Variants in ERF observed in about 807,000 individuals in gnomAD.
ERF encodes ETS domain-containing transcription factor ERF.
ERF carries 10 observed loss-of-function variants against 41.6 expected under a neutral mutation model. That is an observed-to-expected ratio of 0.24 (90% CI 0.15 to 0.41). The LOEUF is 0.41. ERF is among the 10% of genes least tolerant of loss of function. The pLI is 1.00. For missense variants in ERF, 621 were observed against 763.2 expected (o/e 0.81, Z 2.19); for synonymous variants, 395 against 342.4 (o/e 1.15, Z -1.70).
At chr19:42,254,767 C>A (rs1026154744) in intron 1 of ERF, 2 of 497,140 alleles carry the variant, frequency 4.0e-6, no homozygotes, top group Non-Finnish European at 6.9e-6. Context: ...ACCCGCAGCA[C>A]CCACACCACT....
chr19:42,254,086 G>T (rs1232491672), intron 1 of ERF, among the ~76,000 whole-genome samples: 1 of 150,504 alleles, frequency 6.6e-6, no homozygotes, highest in East Asian at 2.0e-4. Flanking sequence ...GTGGGAGGGG[G>T]AGTTAATCCC....
rs1054971116 is a variant in ERF at position 42,248,121 on chromosome 19, G to A, written c.*344C>T. ...ACAAGGCTTTACTTCCTAAGCGATT[G>A]TAATAGAAAAGTTCCTGGGTGTTAA... On this transcript the variant is annotated 3_prime_UTR_variant, in exon 4 of 4. Transcript: ENST00000222329. The surrounding 1 kb of genome is among the most constrained non-coding windows in gnomAD (Gnocchi z 4.2). 2.1e-5 allele frequency: 5 copies of A among 238,794 alleles called. No homozygotes were observed. Among genetic ancestry groups the A allele is most frequent in the Admixed American group, 1.1e-4 (2 of 17,846 alleles). The allele number at this position is 238,794 out of a possible 1,614,324, so 14.8% of individuals were successfully genotyped here.
In ERF at chr19:42,248,438, G is replaced by T; in HGVS notation, c.*27C>A. The T allele has an allele frequency of 6.8e-7, 1 of 1,460,378 alleles. No individual in the cohort carries two copies. The allele number at this position is 1,460,378 out of a possible 1,614,324, so 90.5% of individuals were successfully genotyped here. A position where few individuals can be genotyped will look rare whatever the true frequency, so the allele number is the denominator to read the frequency against. ...AGCAAAAGAAGCATGGGGGGTGCGG[G>T]GCACACAGGTCCCCTGCCCACAGCC... is the stretch of plus-strand genomic sequence containing the variant. On this transcript the variant is annotated 3_prime_UTR_variant, in exon 4 of 4. Coordinates refer to ENST00000222329, the MANE Select transcript of ERF (RefSeq NM_006494.4). This position sits in a 1 kb window ranked among gnomAD's most constrained non-coding sequence, Gnocchi z 4.2.
intron 1 of ERF, among the ~76,000 whole-genome samples, chr19:42,252,583 TA>T (rs2036462014): frequency 6.6e-6 from 1 of 152,148 alleles, no homozygotes; most frequent in Admixed American, 6.5e-5. Flanking sequence ...GCCCCCTTGT[TA>T]AACCCCTTCC....
chr19:42,249,770 G>A lies in ERF; in HGVS notation c.374-32C>T. On this transcript the variant is annotated intron_variant, in intron 3 of 3. Coordinates refer to ENST00000222329, the MANE Select transcript of ERF (RefSeq NM_006494.4). The surrounding 1 kb of genome is among the most constrained non-coding windows in gnomAD (Gnocchi z 8.6). ...GAAGGGAGACAGTGTCAAGGCCCCTGGCCTAGCCTGAAGGGGCATGTAGAC... is the reference window on the plus strand; with the variant it reads ...GAAGGGAGACAGTGTCAAGGCCCCTAGCCTAGCCTGAAGGGGCATGTAGAC... The A allele has an allele frequency of 6.2e-7, 1 of 1,613,586 alleles. No homozygotes were observed. The highest frequency in any genetic ancestry group is 2.2e-5 in the East Asian group (1 of 44,868).
chr19:42,253,679 G>A (rs2036483097), intron 1 of ERF, among the ~76,000 whole-genome samples: 1 of 151,546 alleles, frequency 6.6e-6, no homozygotes, highest in Non-Finnish European at 1.5e-5. Context: ...CCACCCCCAG[G>A]GCCCCTCCTC....
At chr19:42,253,085 C>CA (rs2146956357) in intron 1 of ERF, among the ~76,000 whole-genome samples, 1 of 152,292 alleles carries the variant, frequency 6.6e-6, no homozygotes, top group African/African-American at 2.4e-5. Flanking sequence ...TTCTCCCAGA[C>CA]AGACTATGCA....
Position 42,249,220 on chromosome 19 carries a change from C to A in ERF, c.892G>T (p.Gly298Trp), listed in dbSNP as rs756863883. 1 of 1,613,314 alleles carries A rather than the reference C, an allele frequency of 6.2e-7. No homozygotes were observed. The highest frequency in any genetic ancestry group is 8.5e-7 in the Non-Finnish European group (1 of 1,179,760). Residue 298 changes from glycine to tryptophan, a missense_variant, in exon 4 of 4, where the codon GGG (glycine) becomes TGG (tryptophan). Transcript: ENST00000222329. The surrounding 1 kb of genome is among the most constrained non-coding windows in gnomAD (Gnocchi z 8.6). ...PSGGGGPSGS[G>W]GGSHFSFSPE... Reference sequence around the variant, plus strand: ...CTGAAGGAGAAGTGGGAGCCTCCCCCTGAGCCGCTGGGCCCCCCGCCACCA... The same window carrying A: ...CTGAAGGAGAAGTGGGAGCCTCCCCATGAGCCGCTGGGCCCCCCGCCACCA...
In ERF at chr19:42,254,977, C is replaced by A; in HGVS notation, c.22+1G>T. 2 of 1,487,140 alleles carry A rather than the reference C, an allele frequency of 1.3e-6. No individual in the cohort carries two copies. The highest frequency in any genetic ancestry group is 8.9e-7 in the Non-Finnish European group (1 of 1,127,114). The allele number at this position is 1,487,140 out of a possible 1,614,324, so 92.1% of individuals were successfully genotyped here. A position where few individuals can be genotyped will look rare whatever the true frequency, so the allele number is the denominator to read the frequency against. ...CCCACACGTGCTGCCCCCGCCCCCA[C>A]CTGTGTCCGCCGGGGTCTTCATGCT... is the stretch of plus-strand genomic sequence containing the variant. On this transcript the variant is annotated splice_donor_variant, in intron 1 of 3. Coordinates refer to ENST00000222329, the MANE Select transcript of ERF (RefSeq NM_006494.4). LOFTEE classifies it high-confidence loss of function.
At chr19:42,254,052 G>A (rs1453756226) in intron 1 of ERF, among the ~76,000 whole-genome samples, 1 of 151,328 alleles carries the variant, frequency 6.6e-6, no homozygotes, top group Non-Finnish European at 1.5e-5. Flanking sequence ...GGGGCGGCGG[G>A]GGAGGGGAGG....
chr19:42,250,581 AG>A lies in ERF; in HGVS notation c.23-17del. ...AAGGCAAACCCTGGGGACGGGAGGC[AG>A]GGAGTGGCCTGGGGTCAGGCTGCCA... On this transcript the variant is annotated splice_polypyrimidine_tract_variant and intron_variant, in intron 1 of 3. Coordinates refer to ENST00000222329, the MANE Select transcript of ERF (RefSeq NM_006494.4). This position sits in a 1 kb window ranked among gnomAD's most constrained non-coding sequence, Gnocchi z 5.1. 6.2e-7 allele frequency: 1 copy of A among 1,611,056 alleles called. No individual in the cohort carries two copies. The highest frequency in any genetic ancestry group is 8.5e-7 in the Non-Finnish European group (1 of 1,178,956).
chr19:42,249,589 C>A lies in ERF; in HGVS notation c.523G>T (p.Ala175Ser). 2 of 1,613,612 alleles carry A rather than the reference C, an allele frequency of 1.2e-6. No individual in the cohort carries two copies. Among genetic ancestry groups the A allele is most frequent in the South Asian group, 2.2e-5 (2 of 91,074 alleles). ...CGGCCCAGGCGGCGGGCCACCACAG[C>A]CGAGAAGAGGGAAGATGAAGATGAA... The part of the protein sequence containing the change: ...CSSSSSSLFS[A>S]VVARRLGRGS... Residue 175 changes from alanine to serine, a missense_variant, in exon 4 of 4, where the codon GCT becomes TCT. Around this residue, in one of 3 missense-constraint regions of ERF, gnomAD observed 569 missense variants for 625.5 expected, o/e 0.91. Transcript: ENST00000222329. The surrounding 1 kb of genome is among the most constrained non-coding windows in gnomAD (Gnocchi z 8.6).
chr19:42,253,757 C>G (rs1227127727), intron 1 of ERF: 1 of 636,802 alleles, frequency 1.6e-6, no homozygotes. Context: ...CCGCCCCCAC[C>G]CGCCGAGCAG....
rs1251842089 is a variant in ERF, at chr19:42,247,644, A to T, written c.*821T>A. The T allele has an allele frequency of 6.6e-6, 1 of 151,354 alleles. No homozygotes were observed. The highest frequency in any genetic ancestry group is 1.5e-5 in the Non-Finnish European group (1 of 67,748). The allele number at this position is 151,354 out of a possible 1,614,324, so 9.4% of individuals were successfully genotyped here. On this transcript the variant is annotated 3_prime_UTR_variant, in exon 4 of 4. Transcript: ENST00000222329. Reference sequence around the variant, plus strand: ...CTACTCCCCCCACCCTCAGTCCCCAATACAGAATAAGGCTTGACCACAGCC... The same window carrying T: ...CTACTCCCCCCACCCTCAGTCCCCATTACAGAATAAGGCTTGACCACAGCC...
chr19:42,249,103 GC>G lies in ERF; in HGVS notation c.1008del (p.Leu337TrpfsTer60). The stretch of plus-strand genomic sequence containing the variant: ...GGGCGCTGGGGCTGGGGCACCACCA[GC>G]CCAGGGTAGTGCAGGAAGGCGCGGG... ...LSPRAFLHYP[G>X]LVVPQPQRPD... On this transcript the variant is annotated frameshift_variant, in exon 4 of 4. Transcript: ENST00000222329. LOFTEE classifies it high-confidence loss of function. The surrounding 1 kb of genome is among the most constrained non-coding windows in gnomAD (Gnocchi z 8.6). 6.2e-7 allele frequency: 1 copy of G among 1,613,802 alleles called. No homozygotes were observed. Among genetic ancestry groups the G allele is most frequent in the Non-Finnish European group, 8.5e-7 (1 of 1,179,894 alleles).
chr19:42,249,074 G>C lies in ERF; in HGVS notation c.1038C>G (p.Asp346Glu), dbSNP rs754070619. Residue 346 changes from aspartate to glutamate, a missense_variant, in exon 4 of 4, where the codon GAC becomes GAG. Coordinates refer to ENST00000222329, the MANE Select transcript of ERF (RefSeq NM_006494.4). This position sits in a 1 kb window ranked among gnomAD's most constrained non-coding sequence, Gnocchi z 8.6. ...GLVVPQPQRPDKCPLPPMAPE... is the reference protein window; with the variant it reads ...GLVVPQPQRPEKCPLPPMAPE... ...GTGCCATGGGCGGCAGCGGGCACTT[G>C]TCAGGGCGCTGGGGCTGGGGCACCA... 3 of 1,613,274 alleles carry C rather than the reference G, an allele frequency of 1.9e-6. No homozygotes were observed. The African/African-American group carries it at 4.0e-5, about 22-fold the overall frequency.
chr19:42,251,750 C>A (rs2036449642), intron 1 of ERF, among the ~76,000 whole-genome samples: 3 of 152,124 alleles, frequency 2.0e-5, no homozygotes, highest in Admixed American at 1.3e-4. Context: ...AAAGACTCCA[C>A]CCAAGTCTGG....
At position 42,252,730 on chromosome 19, in the gene ERF, G is replaced by T. The variant is rs188814027; in HGVS notation, c.23-2165C>A. ...CATGAAGGCCTGTTCCCGGCTTTGGGGGGGGGAGAATGAAGAGGGGGTGAC... is the reference window on the plus strand; with the variant it reads ...CATGAAGGCCTGTTCCCGGCTTTGGTGGGGGGAGAATGAAGAGGGGGTGAC... On this transcript the variant is annotated intron_variant, in intron 1 of 3. Coordinates refer to ENST00000222329, the MANE Select transcript of ERF (RefSeq NM_006494.4). Among the ~76,000 whole-genome samples, 566 of 152,298 alleles carry T rather than the reference G, an allele frequency of 3.7e-3. 4 individuals are homozygous for T. The highest frequency in any genetic ancestry group is 0.011 in the African/African-American group (442 of 41,570).
chr19:42,253,187 T>G (rs971113030), intron 1 of ERF, among the ~76,000 whole-genome samples: 3 of 149,780 alleles, frequency 2.0e-5, no homozygotes, highest in Non-Finnish European at 4.4e-5. Context: ...AAGGGAGGAG[T>G]GGTGGCAGAG....
Sources: allele counts gnomAD v4.1 joint callset (sites outside exome capture counted in the v4.1 genomes callset), GRCh38; gene constraint gnomAD v4.1.1; regional missense constraint gnomAD v4.1.1; non-coding constraint Gnocchi (gnomAD v3.1); transcripts MANE v1.5; gene names NCBI Gene and HGNC (gene_info 2026-07-23, HGNC 2026-07-21).